The following DTNB variants were observed in gnomAD, a reference collection of about 807,000 sequenced individuals.
The protein encoded by DTNB is dystrobrevin beta, also known as DTN-B.
A neutral mutation model predicts 90.7 loss-of-function variants in DTNB; 63 were observed. The observed-to-expected ratio is 0.69, with a 90% confidence interval of 0.57 to 0.86. DTNB has a LOEUF of 0.86. DTNB is among the 40% of genes least tolerant of loss of function. The pLI is 0.00. For synonymous variants in DTNB, 277 were observed against 286.7 expected, an observed-to-expected ratio of 0.97 and a Z score of 0.34; for missense variants, 744 against 807.1, an observed-to-expected ratio of 0.92 and a Z score of 0.95.
At chr2:25,671,195 A>C (rs2085804634) in intron 1 of DTNB, among the ~76,000 whole-genome samples, 1 of 152,212 alleles carries the variant, frequency 6.6e-6, no homozygotes, top group Non-Finnish European at 1.5e-5. Context: ...TAGGGAAAAA[A>C]CAGTCTATAT....
At chr2:25,464,069 C>T (rs2061416052) in intron 10 of DTNB, among the ~76,000 whole-genome samples, 1 of 152,178 alleles carries the variant, frequency 6.6e-6, no homozygotes, top group South Asian at 2.1e-4. Flanking sequence ...CCAAGCCCAG[C>T]TAATTTTTAA....
chr2:25,437,234 A>G (rs140103067), intron 12 of DTNB, among the ~76,000 whole-genome samples: 1 of 152,174 alleles, frequency 6.6e-6, no homozygotes, highest in East Asian at 1.9e-4. Context: ...TATACATCAA[A>G]TAACAGAAAC....
intron 12 of DTNB, among the ~76,000 whole-genome samples, chr2:25,449,167 G>A (rs1442920196): frequency 6.6e-6 from 1 of 152,134 alleles, no homozygotes; most frequent in Admixed American, 6.5e-5. Context: ...GTCGTTGCAT[G>A]TATCAATGTT....
rs1048972161 is a variant in DTNB, at chr2:25,515,826, C to T, written c.1001+15647G>A. On this transcript the variant is annotated intron_variant, in intron 9 of 20. Transcript: ENST00000406818. ...TCCTGACCTCAGCTGATCCACCTGC[C>T]TCGGCCTCCCAAAGTGCTGGGATTA... 3.3e-5 allele frequency among the ~76,000 whole-genome samples: 5 copies of T among 152,134 alleles called. No individual in the cohort carries two copies. The South Asian group carries it at 1.0e-3, about 31-fold the overall frequency.
chr2:25,495,596 T>C (rs1449132789), intron 9 of DTNB, among the ~76,000 whole-genome samples: 1 of 152,182 alleles, frequency 6.6e-6, no homozygotes, highest in Non-Finnish European at 1.5e-5. Context: ...ATTGCAATGA[T>C]TCTCGTGTGG....
chr2:25,410,432 C>T (rs1380853953), intron 16 of DTNB, among the ~76,000 whole-genome samples: 1 of 152,092 alleles, frequency 6.6e-6, no homozygotes, highest in Non-Finnish European at 1.5e-5. Flanking sequence ...GAAATACAAA[C>T]ACCCATCCCC....
At chr2:25,399,198 A>C (rs908166150) in intron 16 of DTNB, among the ~76,000 whole-genome samples, 1 of 151,784 alleles carries the variant, frequency 6.6e-6, no homozygotes, top group Non-Finnish European at 1.5e-5. Flanking sequence ...ACAGGCGTGC[A>C]CCACCATGCC....
chr2:25,464,443 G>A (rs1395733163), intron 10 of DTNB, among the ~76,000 whole-genome samples: 1 of 152,164 alleles, frequency 6.6e-6, no homozygotes, highest in East Asian at 1.9e-4. Flanking sequence ...AATAAATAAT[G>A]TATTAAACAG....
chr2:25,474,982 A>ATC lies in DTNB; in HGVS notation c.1079+7812_1079+7813dup, dbSNP rs372460180. On this transcript the variant is annotated intron_variant, in intron 10 of 20. Transcript: ENST00000406818. ...ATGTGTTCTGACCGTTTCACTGACC[A>ATC]TCTCTCTCTCTCTCTTCTCAGGCCT... is the stretch of plus-strand genomic sequence containing the variant. Among the ~76,000 whole-genome samples the ATC allele has an allele frequency of 2.5e-3, 375 of 151,834 alleles. 1 individual carries two copies. The highest frequency in any genetic ancestry group is 0.017 in the Middle Eastern group (5 of 294).
intron 9 of DTNB, among the ~76,000 whole-genome samples, chr2:25,508,816 G>A (rs563751507): frequency 2.0e-5 from 3 of 152,304 alleles, no homozygotes; most frequent in South Asian, 2.1e-4. Flanking sequence ...TTATAGGCGT[G>A]AGCCACTGCA....
chr2:25,492,769 G>A lies in DTNB; in HGVS notation c.1002-9896C>T, dbSNP rs184637524. ...GAGGCTGCTCAGGGGAGGACTGCTT[G>A]AGCCTGGGAGACTGAGGCTGTAGTG... On this transcript the variant is annotated intron_variant, in intron 9 of 20. Coordinates refer to ENST00000406818, the MANE Select transcript of DTNB (RefSeq NM_021907.5). Among the ~76,000 whole-genome samples, 784 of 152,212 alleles carry A rather than the reference G, an allele frequency of 5.2e-3. 5 individuals carry two copies. The highest frequency in any genetic ancestry group is 8.6e-3 in the Non-Finnish European group (588 of 67,998).
intron 2 of DTNB, among the ~76,000 whole-genome samples, chr2:25,647,612 C>T (rs1260708501): frequency 6.6e-6 from 1 of 152,126 alleles, no homozygotes. Flanking sequence ...CGGTGGCCCA[C>T]GCTTGTAATC....
At chr2:25,645,662 A>G (rs2079282586) in intron 2 of DTNB, among the ~76,000 whole-genome samples, 1 of 152,064 alleles carries the variant, frequency 6.6e-6, no homozygotes, top group Non-Finnish European at 1.5e-5. Context: ...GCTGGTCTCA[A>G]ACTCCTAGGC....
intron 9 of DTNB, among the ~76,000 whole-genome samples, chr2:25,493,666 T>C (rs1316561909): frequency 6.6e-6 from 1 of 152,176 alleles, no homozygotes; most frequent in East Asian, 1.9e-4. Flanking sequence ...AGAAAACCTT[T>C]CTAGTTACAA....
intron 8 of DTNB, among the ~76,000 whole-genome samples, chr2:25,569,078 C>T (rs573986661): frequency 5.2e-4 from 79 of 152,296 alleles, no homozygotes; most frequent in African/African-American, 1.8e-3. Context: ...CAGCAGATCC[C>T]GGCCTTCCCC....
chr2:25,614,740 T>A (rs897239954), intron 4 of DTNB, among the ~76,000 whole-genome samples: 4 of 152,214 alleles, frequency 2.6e-5, no homozygotes, highest in Non-Finnish European at 4.4e-5. Context: ...TTCAATGCAA[T>A]CCTCTAAGGA....
At chr2:25,411,122 G>A (rs777607139) in intron 16 of DTNB, among the ~76,000 whole-genome samples, 5 of 152,038 alleles carry the variant, frequency 3.3e-5, no homozygotes, top group African/African-American at 1.2e-4. Context: ...ACTTTGGGAG[G>A]TCGAGGCAGG....
At chr2:25,572,631 C>T (rs2151301987) in intron 8 of DTNB, among the ~76,000 whole-genome samples, 1 of 151,926 alleles carries the variant, frequency 6.6e-6, no homozygotes, top group African/African-American at 2.4e-5. Flanking sequence ...TCAACCTACC[C>T]TGCCAGACCA....
chr2:25,456,309 C>T (rs1429747245), intron 10 of DTNB, among the ~76,000 whole-genome samples: 1 of 152,148 alleles, frequency 6.6e-6, no homozygotes, highest in Admixed American at 6.5e-5. Flanking sequence ...AAACCCCAGG[C>T]AATTATTTCA....
Sources: gnomAD v4.1 joint callset for allele counts (sites outside exome capture counted in the v4.1 genomes callset) on GRCh38, gnomAD v4.1.1 for gene constraint, MANE v1.5 for transcripts, NCBI Gene and HGNC (gene_info 2026-07-23, HGNC 2026-07-21) for gene names.